The following GPC5 variants were observed in gnomAD, a reference collection of about 807,000 sequenced individuals.
The protein encoded by GPC5 is glypican 5, also known as glypican-5.
A neutral mutation model predicts 53.9 loss-of-function variants in GPC5; 47 were observed. That is an observed-to-expected ratio of 0.87 (90% CI 0.69 to 1.11). The LOEUF (loss-of-function observed/expected upper bound fraction) is 1.11. GPC5 is among the 50% of genes most tolerant of loss of function. The pLI, the probability that GPC5 is intolerant of heterozygous loss-of-function variation, is 0.00. For missense variants in GPC5, 748 were observed against 713.1 expected (o/e 1.05, Z -0.56); for synonymous variants, 286 against 263.3 (o/e 1.09, Z -0.84).
intron 7 of GPC5, among the ~76,000 whole-genome samples, chr13:92,387,946 G>C (rs1874815131): frequency 6.6e-6 from 1 of 151,946 alleles, no homozygotes; most frequent in Non-Finnish European, 1.5e-5. Flanking sequence ...CTGATTAAAG[G>C]GTTTGCCCCA....
At chr13:91,429,861 G>A (rs116716087) in intron 1 of GPC5, among the ~76,000 whole-genome samples, 112 of 152,254 alleles carry the variant, frequency 7.4e-4, no homozygotes, top group African/African-American at 2.5e-3. Flanking sequence ...GGAAGTATCC[G>A]TAGACCACTT....
intron 2 of GPC5, among the ~76,000 whole-genome samples, chr13:91,619,838 C>T (rs1594340652): frequency 6.6e-6 from 1 of 152,180 alleles, no homozygotes; most frequent in South Asian, 2.1e-4. Context: ...TAAATGTGTG[C>T]TTTAACATCA....
At chr13:91,916,919 A>C (rs1030904896) in intron 6 of GPC5, among the ~76,000 whole-genome samples, 9 of 152,230 alleles carry the variant, frequency 5.9e-5, no homozygotes, top group African/African-American at 2.2e-4. Flanking sequence ...TTATAATTCA[A>C]GATGAGATTT....
chr13:91,945,217 T>C (rs2039963661), intron 6 of GPC5, among the ~76,000 whole-genome samples: 1 of 152,220 alleles, frequency 6.6e-6, no homozygotes, highest in Non-Finnish European at 1.5e-5. Context: ...TTTTCTCACT[T>C]ACACCCTTTA....
intron 6 of GPC5, among the ~76,000 whole-genome samples, chr13:92,036,625 C>T (rs756209876): frequency 4.6e-5 from 7 of 152,132 alleles, no homozygotes; most frequent in Non-Finnish European, 8.8e-5. Flanking sequence ...ATTTAATAAC[C>T]TTTCTACTGA....
At chr13:92,526,947 G>C (rs1231475563) in intron 7 of GPC5, among the ~76,000 whole-genome samples, 1 of 151,256 alleles carries the variant, frequency 6.6e-6, no homozygotes, top group Non-Finnish European at 1.5e-5. Flanking sequence ...TGAGGAACAA[G>C]TGTAAGAAAG....
At chr13:91,650,683 A>G (rs1448824285) in intron 2 of GPC5, among the ~76,000 whole-genome samples, 1 of 151,356 alleles carries the variant, frequency 6.6e-6, no homozygotes, top group African/African-American at 2.4e-5. Context: ...CTGACTACTC[A>G]TATTAAGCTC....
At chr13:92,475,559 T>A (rs1387192009) in intron 7 of GPC5, among the ~76,000 whole-genome samples, 1 of 151,950 alleles carries the variant, frequency 6.6e-6, no homozygotes, top group Non-Finnish European at 1.5e-5. Context: ...TTTTGTATCC[T>A]GAGACTTTGC....
chr13:92,496,120 A>G (rs1221693404), intron 7 of GPC5, among the ~76,000 whole-genome samples: 2 of 152,146 alleles, frequency 1.3e-5, no homozygotes, highest in Admixed American at 6.5e-5. Context: ...AATCCTCCAC[A>G]TTGCAGGTGG....
At chr13:92,165,129 C>G (rs2042017962) in intron 7 of GPC5, among the ~76,000 whole-genome samples, 1 of 152,220 alleles carries the variant, frequency 6.6e-6, no homozygotes, top group African/African-American at 2.4e-5. Flanking sequence ...ACATTTTCCC[C>G]ATTGTCTTGG....
At chr13:92,774,026 A>G (rs1875704927) in intron 7 of GPC5, among the ~76,000 whole-genome samples, 1 of 152,206 alleles carries the variant, frequency 6.6e-6, no homozygotes. Flanking sequence ...CACTATCACA[A>G]GAACAGCACA....
chr13:91,719,799 G>A (rs1313157890), intron 3 of GPC5, among the ~76,000 whole-genome samples: 1 of 151,336 alleles, frequency 6.6e-6, no homozygotes, highest in Non-Finnish European at 1.5e-5. Context: ...TTTATCTTAT[G>A]GAAATGTTCA....
chr13:92,393,948 G>T lies in GPC5; in HGVS notation c.1561+248959G>T, dbSNP rs180947054. ...TTATCTTGTTATAGTCTTTAATTCAGATGAACTTTGTTGGTATTCAAAAAA... is the reference window on the plus strand; with the variant it reads ...TTATCTTGTTATAGTCTTTAATTCATATGAACTTTGTTGGTATTCAAAAAA... On this transcript the variant is annotated intron_variant, in intron 7 of 7. Transcript: ENST00000377067. Among the ~76,000 whole-genome samples, 4 of 152,128 alleles carry T rather than the reference G, an allele frequency of 2.6e-5. No homozygotes were observed. In the East Asian group the frequency reaches 5.8e-4, roughly 22 times the overall value.
chr13:91,507,263 A>G (rs1185745625), intron 2 of GPC5, among the ~76,000 whole-genome samples: 2 of 152,070 alleles, frequency 1.3e-5, no homozygotes, highest in Non-Finnish European at 2.9e-5. Context: ...TGAGGAAGGG[A>G]GCTCTCTGGG....
chr13:91,826,875 A>T (rs1203290777), intron 5 of GPC5, among the ~76,000 whole-genome samples: 1 of 152,074 alleles, frequency 6.6e-6, no homozygotes, highest in Non-Finnish European at 1.5e-5. Flanking sequence ...GATGGATCAT[A>T]GACTTAAACA....
chr13:91,692,909 G>C (rs1566613853), intron 2 of GPC5, among the ~76,000 whole-genome samples: 2 of 152,182 alleles, frequency 1.3e-5, no homozygotes, highest in Non-Finnish European at 2.9e-5. Context: ...TTCCCAAAGT[G>C]CTGGAATTAC....
intron 7 of GPC5, among the ~76,000 whole-genome samples, chr13:92,449,295 T>C (rs1356403205): frequency 1.3e-5 from 2 of 152,162 alleles, no homozygotes; most frequent in African/African-American, 4.8e-5. Context: ...GGGCTTTTTG[T>C]TCCTTTGGCC....
chr13:92,184,933 G>A (rs1384931513), intron 7 of GPC5, among the ~76,000 whole-genome samples: 2 of 152,136 alleles, frequency 1.3e-5, no homozygotes, highest in Non-Finnish European at 2.9e-5. Flanking sequence ...ACACAACAGT[G>A]AAGAAATTCA....
intron 5 of GPC5, among the ~76,000 whole-genome samples, chr13:91,765,091 C>A (rs1566670329): frequency 6.6e-6 from 1 of 152,188 alleles, no homozygotes; most frequent in Non-Finnish European, 1.5e-5. Context: ...GTACAGCCTA[C>A]ACCTAATGCA....
Sources: allele counts gnomAD v4.1 joint callset (sites outside exome capture counted in the v4.1 genomes callset), GRCh38; gene constraint gnomAD v4.1.1; transcripts MANE v1.5; gene names NCBI Gene and HGNC (gene_info 2026-07-23, HGNC 2026-07-21).